EHMT2: variants seen among roughly 807,000 people sequenced by gnomAD.
The protein encoded by EHMT2 is euchromatic histone lysine methyltransferase 2, also known as histone-lysine N-methyltransferase EHMT2.
A neutral mutation model predicts 143.3 loss-of-function variants in EHMT2; 59 were observed. That is an observed-to-expected ratio of 0.41 (90% CI 0.33 to 0.51). EHMT2 has a LOEUF of 0.51. Ranked by LOEUF, EHMT2 falls within the 20% of genes least tolerant of loss-of-function variation. The pLI, the probability that EHMT2 is intolerant of heterozygous loss-of-function variation, is 0.18. For synonymous variants in EHMT2, 604 were observed against 651.5 expected (o/e 0.93, Z 1.11); for missense variants, 1,174 against 1,645.9 (o/e 0.71, Z 4.96).
At position 31,892,912 on chromosome 6, in the gene EHMT2, T is replaced by G. The variant is rs748597694; in HGVS notation, c.583-2A>C. Reference sequence around the variant, plus strand: ...GGGCCGCTTCTCAGGGACCGGGGGCTGTGGGCCGAGAGGGAGCACACTGAG... The same window carrying G: ...GGGCCGCTTCTCAGGGACCGGGGGCGGTGGGCCGAGAGGGAGCACACTGAG... On this transcript the variant is annotated splice_acceptor_variant, in intron 4 of 27. Coordinates refer to ENST00000375537, the Ensembl canonical transcript of EHMT2. LOFTEE classifies it high-confidence loss of function. 6.4e-7 allele frequency: 1 copy of G among 1,564,416 alleles called. No individual in the cohort carries two copies. The highest frequency in any genetic ancestry group is 1.2e-5 in the South Asian group (1 of 82,204).
At position 31,880,752 on chromosome 6, in the gene EHMT2, A is replaced by G. The variant is rs1481838215; in HGVS notation, c.3373T>C (p.Phe1125Leu). Residue 1125 changes from phenylalanine to leucine, a missense_variant, in exon 27 of 28, where the codon TTC becomes CTC. Around this residue, in one of 6 missense-constraint regions of EHMT2, gnomAD observed 44 missense variants for 113.5 expected, o/e 0.39. Coordinates refer to ENST00000375537, the Ensembl canonical transcript of EHMT2. The surrounding 1 kb of genome is among the most constrained non-coding windows in gnomAD (Gnocchi z 6.6). ...AATCGCAGGTCTTGGTGCAGCATGA[A>G]GACCCGGACGGGAATGATGTTGGGG... The G allele has an allele frequency of 6.2e-7, 1 of 1,613,884 alleles. No homozygotes were observed. The highest frequency in any genetic ancestry group is 8.5e-7 in the Non-Finnish European group (1 of 1,180,038).
chr6:31,887,724 C>T, intron 14 of EHMT2, 55 bp downstream of exon 14: 2 of 1,606,924 alleles, frequency 1.2e-6, no homozygotes, highest in East Asian at 2.2e-5. Flanking sequence ...TCAGCCTCGA[C>T]ACCACTCCTC....
At position 31,881,224 on chromosome 6, in the gene EHMT2, T is replaced by C; in HGVS notation, c.3198-132A>G. 1.3e-6 allele frequency: 1 copy of C among 794,388 alleles called. No homozygotes were observed. Among genetic ancestry groups the C allele is most frequent in the South Asian group, 1.4e-5 (1 of 70,708 alleles). 49.2% of individuals were successfully genotyped at this position (794,388 alleles called of 1,614,324 possible). A position where few individuals can be genotyped will look rare whatever the true frequency, so the allele number is the denominator to read the frequency against. On this transcript the variant is annotated intron_variant, in intron 25 of 27. Transcript: ENST00000375537. This position sits in a 1 kb window ranked among gnomAD's most constrained non-coding sequence, Gnocchi z 4.8. ...TGGCAGGTGTGGGGAAGGGAAGGCC[T>C]GGAGCAGCAGTGGTGGGCAAGTGAA... is the stretch of plus-strand genomic sequence containing the variant.
intron 15 of EHMT2, 64 bp downstream of exon 15, chr6:31,887,513 A>G: frequency 7.0e-7 from 1 of 1,438,632 alleles, no homozygotes; most frequent in Non-Finnish European, 9.8e-7. Context: ...CTGGCCCTGT[A>G]CCCAGTGCCT....
At chr6:31,893,751 A>G (rs1765999371) in intron 4 of EHMT2, 2 of 253,890 alleles carry the variant, frequency 7.9e-6, no homozygotes, top group Non-Finnish European at 7.9e-6. Flanking sequence ...GCCAGTCACA[A>G]AAGGATAAAT....
rs1265246566 is a variant in EHMT2 at position 31,889,167 on chromosome 6, A to G, written c.1114+61T>C. 1.3e-6 allele frequency: 2 copies of G among 1,556,564 alleles called. No individual in the cohort carries two copies. Among genetic ancestry groups the G allele is most frequent in the Middle Eastern group, 1.8e-4 (1 of 5,442 alleles). On this transcript the variant is annotated intron_variant, in intron 9 of 27. Transcript: ENST00000375537. The surrounding 1 kb of genome is among the most constrained non-coding windows in gnomAD (Gnocchi z 5.1). ...CATGCGAGAGCGTGTGTGTGCGTGC[A>G]CACACTCTGGGGGGCCGGGCGGGGG...
intron 1 of EHMT2, chr6:31,897,204 T>C: frequency 8.1e-7 from 1 of 1,240,592 alleles, no homozygotes; most frequent in Non-Finnish European, 1.0e-6. Flanking sequence ...ACCCCGCATC[T>C]CTGGGGCCGA....
chr6:31,884,464 G>A lies in EHMT2; in HGVS notation c.2699C>T (p.Ala900Val), dbSNP rs760598456. Reference sequence around the variant, plus strand: ...TCGGAGCTTGCGGTTGAGTTGAAGCGCAAACCACACGTCGGAGCGCTCGGG... The same window carrying A: ...TCGGAGCTTGCGGTTGAGTTGAAGCACAAACCACACGTCGGAGCGCTCGGG... Residue 900 changes from alanine to valine, a missense_variant, in exon 21 of 28, where the codon GCG becomes GTG. Around this residue, in one of 6 missense-constraint regions of EHMT2, gnomAD observed 608 missense variants for 903.7 expected, o/e 0.67. Coordinates refer to ENST00000375537, the Ensembl canonical transcript of EHMT2. The surrounding 1 kb of genome is among the most constrained non-coding windows in gnomAD (Gnocchi z 7.3). The A allele has an allele frequency of 1.7e-5, 27 of 1,612,816 alleles. No individual in the cohort carries two copies. The highest frequency in any genetic ancestry group is 2.2e-5 in the Non-Finnish European group (26 of 1,180,030).
chr6:31,897,553 A>C (rs1581978911), intron 1 of EHMT2, 83 bp downstream of exon 1: 1 of 1,032,514 alleles, frequency 9.7e-7, no homozygotes. Flanking sequence ...GCCCCGTTGC[A>C]CCCCCGGAGC....
In EHMT2 at chr6:31,883,510, G is replaced by A. The variant is rs1764393542; in HGVS notation, c.2917-71C>T. On this transcript the variant is annotated intron_variant, in intron 22 of 27. Transcript: ENST00000375537. The surrounding 1 kb of genome is among the most constrained non-coding windows in gnomAD (Gnocchi z 5.6). ...GGCCCCTCTACTCTTGATGCCCCCT[G>A]ACCCCCTAACCACTGTCCTTTCTTT... 3 of 1,471,314 alleles carry A rather than the reference G, an allele frequency of 2.0e-6. No homozygotes were observed. Among genetic ancestry groups the A allele is most frequent in the Non-Finnish European group, 2.8e-6 (3 of 1,068,816 alleles). The allele number at this position is 1,471,314 out of a possible 1,614,324, so 91.1% of individuals were successfully genotyped here.
At chr6:31,894,063 C>T (rs904009616) in intron 4 of EHMT2, among the ~76,000 whole-genome samples, 6 of 152,284 alleles carry the variant, frequency 3.9e-5, no homozygotes, top group African/African-American at 1.4e-4. Context: ...CAGCCTCTAC[C>T]TCCCAGGTTC....
chr6:31,896,043 A>G (rs1218025934), intron 4 of EHMT2: 2 of 531,108 alleles, frequency 3.8e-6, no homozygotes, highest in Non-Finnish European at 6.5e-6. Flanking sequence ...TATATAATTG[A>G]CTCTTTAACA....
chr6:31,883,556 G>T lies in EHMT2; in HGVS notation c.2917-117C>A. On this transcript the variant is annotated intron_variant, in intron 22 of 27. Coordinates refer to ENST00000375537, the Ensembl canonical transcript of EHMT2. The surrounding 1 kb of genome is among the most constrained non-coding windows in gnomAD (Gnocchi z 5.6). ...TCTTTGGGGTCCATGTGTTACAACA[G>T]TGGGTGGTGATGGTCCTAGGGTGAC... is the stretch of plus-strand genomic sequence containing the variant. 1 of 1,161,276 alleles carries T rather than the reference G, an allele frequency of 8.6e-7. No individual in the cohort carries two copies. Among genetic ancestry groups the T allele is most frequent in the Non-Finnish European group, 1.3e-6 (1 of 796,770 alleles). 71.9% of individuals were successfully genotyped at this position (1,161,276 alleles called of 1,614,324 possible).
In EHMT2 at chr6:31,880,195, C is replaced by T; in HGVS notation, c.3522G>A (p.Lys1174=). Reference sequence around the variant, plus strand: ...CAATGGCTTCGGCTGAGTGCTTGCACTTCTCAGAGCCACATTGGCAGGTGA... The same window carrying T: ...CAATGGCTTCGGCTGAGTGCTTGCATTTCTCAGAGCCACATTGGCAGGTGA... Residue 1174 remains lysine (K), a synonymous_variant, in exon 28 of 28, where the codon AAG becomes AAA. Transcript: ENST00000375537. This position sits in a 1 kb window ranked among gnomAD's most constrained non-coding sequence, Gnocchi z 6.6. 2.5e-6 allele frequency: 4 copies of T among 1,613,052 alleles called. No individual in the cohort carries two copies. The highest frequency in any genetic ancestry group is 3.4e-6 in the Non-Finnish European group (4 of 1,180,018).
In EHMT2 at chr6:31,883,018, C is replaced by T. The variant is rs757339226; in HGVS notation, c.2995-9G>A. The T allele has an allele frequency of 4.2e-5, 67 of 1,610,916 alleles. 1 individual carries two copies. The South Asian group carries it at 4.2e-4, about 10-fold the overall frequency. ...TGGAGCAATCGCCCATCCTAGGGTG[C>T]GGAGGGGAGGATAGTGGTTTCTCTG... On this transcript the variant is annotated splice_polypyrimidine_tract_variant and intron_variant, in intron 23 of 27. Transcript: ENST00000375537. This position sits in a 1 kb window ranked among gnomAD's most constrained non-coding sequence, Gnocchi z 5.6.
chr6:31,891,403 T>C (rs910935100), intron 7 of EHMT2, among the ~76,000 whole-genome samples: 1 of 152,230 alleles, frequency 6.6e-6, no homozygotes, highest in Non-Finnish European at 1.5e-5. Flanking sequence ...AGTGTAATGA[T>C]GTTGAACGAC....
At position 31,889,655 on chromosome 6, in the gene EHMT2, G is replaced by T; in HGVS notation, c.865-53C>A. On this transcript the variant is annotated intron_variant, in intron 7 of 27. Coordinates refer to ENST00000375537, the Ensembl canonical transcript of EHMT2. The surrounding 1 kb of genome is among the most constrained non-coding windows in gnomAD (Gnocchi z 5.1). ...CAACCCCCAGGACTCAGACAATGAG[G>T]TGAGTAAAGAAAACCACCACCACCA... 1 of 1,601,118 alleles carries T rather than the reference G, an allele frequency of 6.2e-7. No individual in the cohort carries two copies. The highest frequency in any genetic ancestry group is 8.5e-7 in the Non-Finnish European group (1 of 1,179,382).
chr6:31,887,608 C>T (rs1249539837), exon 15 of EHMT2: 1 of 1,613,084 alleles, frequency 6.2e-7, no homozygotes, highest in Admixed American at 1.7e-5. Context: ...GCAGCTCGCC[C>T]TGCTTCACGG....
intron 4 of EHMT2, 149 bp from the exon 5 acceptor site, chr6:31,893,059 T>G: frequency 1.7e-6 from 1 of 587,788 alleles, no homozygotes; most frequent in Non-Finnish European, 3.0e-6. Flanking sequence ...CAACCACGGG[T>G]GCTATTTCCT....
Sources: allele counts gnomAD v4.1 joint callset (sites outside exome capture counted in the v4.1 genomes callset), GRCh38; gene constraint gnomAD v4.1.1; regional missense constraint gnomAD v4.1.1; non-coding constraint Gnocchi (gnomAD v3.1); transcripts MANE v1.5; gene names NCBI Gene and HGNC (gene_info 2026-07-23, HGNC 2026-07-21).